TSPAN14: variants seen among roughly 807,000 people sequenced by gnomAD.
The protein encoded by TSPAN14 is tetraspanin-14.
Under a neutral mutation model 36.6 loss-of-function variants are expected in TSPAN14, and 16 were observed. The ratio of observed to expected loss-of-function variants is 0.44; its 90% CI spans 0.30 to 0.66. TSPAN14 has a LOEUF of 0.66. TSPAN14 is among the 30% of genes least tolerant of loss of function. TSPAN14 has a pLI of 0.12. For synonymous variants in TSPAN14, 139 were observed against 143.8 expected (o/e 0.97, Z 0.24); for missense variants, 231 against 355.1 (o/e 0.65, Z 2.81).
chr10:80,467,978 GT>G, intron 1 of TSPAN14, among the ~76,000 whole-genome samples: 1 of 152,340 alleles, frequency 6.6e-6, no homozygotes, highest in Non-Finnish European at 1.5e-5. Flanking sequence ...GCTCTTAAAT[GT>G]AAAAACAAAC....
At chr10:80,490,388 C>T (rs770742415) in intron 2 of TSPAN14, among the ~76,000 whole-genome samples, 70 of 152,052 alleles carry the variant, frequency 4.6e-4, no homozygotes, top group Non-Finnish European at 8.8e-4. Flanking sequence ...ATATTGAGCC[C>T]TAGGATGCTA....
intron 1 of TSPAN14, among the ~76,000 whole-genome samples, 180 bp downstream of exon 1, chr10:80,454,551 C>T (rs1360538207): frequency 1.3e-5 from 2 of 151,920 alleles, no homozygotes; most frequent in African/African-American, 4.8e-5. Flanking sequence ...CTTTGTCTGC[C>T]AGGATTGCTC....
intron 2 of TSPAN14, among the ~76,000 whole-genome samples, chr10:80,499,228 GTGCTTGGGTAAAGTACCACAAGCT>G (rs1338582950): frequency 1.3e-5 from 2 of 152,152 alleles, no homozygotes; most frequent in South Asian, 4.1e-4. Flanking sequence ...TGACTTGATT[GTGCTTGGGTAAAGTACCACAAGCT>G]TGCTCGTGTG....
intron 2 of TSPAN14, among the ~76,000 whole-genome samples, chr10:80,491,965 T>C (rs1284575246): frequency 6.6e-6 from 1 of 152,012 alleles, no homozygotes; most frequent in Non-Finnish European, 1.5e-5. Context: ...AGCTGGCAAA[T>C]GGGGTGAGGC....
At chr10:80,467,169 T>G (rs1846293378) in intron 1 of TSPAN14, among the ~76,000 whole-genome samples, 1 of 152,194 alleles carries the variant, frequency 6.6e-6, no homozygotes, top group Non-Finnish European at 1.5e-5. Flanking sequence ...TTAATGATGG[T>G]CAGTTTTTGT....
exon 9 of TSPAN14, chr10:80,521,065 A>T: frequency 3.1e-6 from 1 of 319,976 alleles, no homozygotes; most frequent in South Asian, 2.6e-5. Context: ...AAATTAATGG[A>T]TGCACAACCT....
intron 1 of TSPAN14, among the ~76,000 whole-genome samples, chr10:80,465,374 C>T (rs1846186012): frequency 6.6e-6 from 1 of 152,222 alleles, no homozygotes; most frequent in South Asian, 2.1e-4. Flanking sequence ...CTGCAGGAGC[C>T]ACAGCCATTT....
intron 1 of TSPAN14, among the ~76,000 whole-genome samples, chr10:80,463,889 G>A (rs1444862935): frequency 6.6e-6 from 1 of 152,244 alleles, no homozygotes; most frequent in Non-Finnish European, 1.5e-5. Flanking sequence ...AGGCATGAGA[G>A]GTGCCAGCGT....
At chr10:80,489,177 G>T in intron 1 of TSPAN14, 40 bp from the exon 2 acceptor site, 7 of 1,384,554 alleles carry the variant, frequency 5.1e-6, no homozygotes, top group Admixed American at 2.0e-5. Context: ...AGGTTTTAAC[G>T]CTGAGCCTGC....
chr10:80,497,954 C>T (rs1454689643), intron 2 of TSPAN14, among the ~76,000 whole-genome samples: 4 of 152,312 alleles, frequency 2.6e-5, no homozygotes, highest in East Asian at 1.9e-4. Context: ...GCTCTGGGCT[C>T]TGTTTCCCTC....
At chr10:80,512,583 T>A (rs1840718293) in intron 6 of TSPAN14, among the ~76,000 whole-genome samples, 1 of 152,214 alleles carries the variant, frequency 6.6e-6, no homozygotes, top group Non-Finnish European at 1.5e-5. Context: ...CGCTTATCCC[T>A]CTTCCCTGTC....
chr10:80,511,995 T>C, intron 5 of TSPAN14, 149 bp from the exon 6 acceptor site: 2 of 1,264,208 alleles, frequency 1.6e-6, no homozygotes, highest in Non-Finnish European at 2.2e-6. Context: ...TTAGCATCTC[T>C]GCACATGGGA....
chr10:80,521,617 C>T lies in TSPAN14; in HGVS notation c.*3641C>T, dbSNP rs567546018. 3.9e-5 allele frequency: 6 copies of T among 152,272 alleles called. No individual in the cohort carries two copies. In the East Asian group the frequency reaches 1.2e-3, roughly 29 times the overall value. 9.4% of individuals were successfully genotyped at this position (152,272 alleles called of 1,614,324 possible). ...GCCCTGTTCTCATTCATTTGGATGC[C>T]CTCCAGAAATCTGGGGAGCCATACA... On this transcript the variant is annotated 3_prime_UTR_variant, in exon 9 of 9. Transcript: ENST00000429989.
chr10:80,489,165 A>T, intron 1 of TSPAN14, 52 bp from the exon 2 acceptor site: 1 of 1,254,246 alleles, frequency 8.0e-7, no homozygotes. Context: ...GGTTTGGGGG[A>T]AAGGTTTTAA....
At chr10:80,502,458 A>G (rs1848572734) in intron 2 of TSPAN14, among the ~76,000 whole-genome samples, 2 of 152,168 alleles carry the variant, frequency 1.3e-5, no homozygotes. Flanking sequence ...GAGCCGGGGC[A>G]GGTGGGAGCA....
At chr10:80,460,354 A>G (rs1845910092) in intron 1 of TSPAN14, among the ~76,000 whole-genome samples, 2 of 152,180 alleles carry the variant, frequency 1.3e-5, no homozygotes, top group African/African-American at 2.4e-5. Context: ...GTGATTAGAT[A>G]TTGAGGTTGG....
At chr10:80,493,532 G>T (rs1294282016) in intron 2 of TSPAN14, among the ~76,000 whole-genome samples, 1 of 152,190 alleles carries the variant, frequency 6.6e-6, no homozygotes, top group Admixed American at 6.5e-5. Flanking sequence ...TGATTGAGTG[G>T]ATAACCAAAT....
chr10:80,512,306 CT>C (rs1355496457), intron 6 of TSPAN14, 37 bp downstream of exon 6: 3 of 1,610,166 alleles, frequency 1.9e-6, no homozygotes, highest in Non-Finnish European at 2.5e-6. Flanking sequence ...GGAGCCCGCC[CT>C]TCCTGAAGCC....
intron 1 of TSPAN14, among the ~76,000 whole-genome samples, chr10:80,455,455 TC>T (rs887234773): frequency 2.0e-5 from 3 of 152,054 alleles, no homozygotes; most frequent in Non-Finnish European, 4.4e-5. Context: ...CAGGGGATCT[TC>T]CTCCCTTCCG....
Sources: gnomAD v4.1 joint callset for allele counts (sites outside exome capture counted in the v4.1 genomes callset) on GRCh38, gnomAD v4.1.1 for gene constraint, MANE v1.5 for transcripts, NCBI Gene and HGNC (gene_info 2026-07-23, HGNC 2026-07-21) for gene names.